Variants in CLNS1A observed in about 807,000 individuals in gnomAD.
The protein encoded by CLNS1A is chloride nucleotide-sensitive channel 1A.
In CLNS1A, 16 loss-of-function variants were observed where a neutral mutation model predicts 29.4. That is an observed-to-expected ratio of 0.54 (90% CI 0.37 to 0.83). The LOEUF (loss-of-function observed/expected upper bound fraction) is 0.83. CLNS1A is among the 40% of genes least tolerant of loss of function. CLNS1A has a pLI of 0.00. For missense variants in CLNS1A, 235 were observed against 287.4 expected, an observed-to-expected ratio of 0.82 and a Z score of 1.32; for synonymous variants, 96 against 104.8, an observed-to-expected ratio of 0.92 and a Z score of 0.51.
chr11:77,622,711 A>C (rs1378306138), intron 4 of CLNS1A, 38 bp from the exon 5 acceptor site: 2 of 1,467,816 alleles, frequency 1.4e-6, no homozygotes, highest in Non-Finnish European at 1.8e-6. Flanking sequence ...AAATACAACA[A>C]TTAGAAAAAA....
chr11:77,624,080 T>TG (rs1238163525), intron 4 of CLNS1A, among the ~76,000 whole-genome samples: 1 of 152,156 alleles, frequency 6.6e-6, no homozygotes, highest in African/African-American at 2.4e-5. Context: ...TTGGGCAATA[T>TG]GGCAAAGCCC....
At chr11:77,637,433 C>A (rs139561465) in intron 1 of CLNS1A, among the ~76,000 whole-genome samples, 157 bp downstream of exon 1, 137 of 151,822 alleles carry the variant, frequency 9.0e-4, no homozygotes, top group African/African-American at 3.2e-3. Flanking sequence ...AAAAATCGAG[C>A]CTTCCACCCG....
At chr11:77,620,921 G>A (rs947321672) in intron 5 of CLNS1A, among the ~76,000 whole-genome samples, 2 of 152,166 alleles carry the variant, frequency 1.3e-5, no homozygotes, top group African/African-American at 4.8e-5. Context: ...GGTGGAGGTT[G>A]AAGTAAGCCA....
chr11:77,619,829 C>G, intron 5 of CLNS1A, 134 bp from the exon 6 acceptor site: 1 of 669,434 alleles, frequency 1.5e-6, no homozygotes, highest in Non-Finnish European at 2.7e-6. Context: ...TTGGAAAAGT[C>G]TGAAGGGACA....
At chr11:77,618,442 A>G (rs1958925168) in intron 6 of CLNS1A, 1 of 152,264 alleles carries the variant, frequency 6.6e-6, no homozygotes, top group African/African-American at 2.4e-5. Flanking sequence ...CAGAGAAGAC[A>G]TTGCTAATTT....
At chr11:77,636,793 C>T (rs569473696) in intron 1 of CLNS1A, among the ~76,000 whole-genome samples, 1 of 152,256 alleles carries the variant, frequency 6.6e-6, no homozygotes, top group African/African-American at 2.4e-5. Flanking sequence ...GGAAGCAACA[C>T]ATATCTGAAG....
rs200664728 is a variant in CLNS1A at position 77,637,683 on chromosome 11, C to G, written c.32G>C (p.Gly11Ala). Residue 11 changes from glycine to alanine, a missense_variant, in exon 1 of 7, where the codon GGG becomes GCG. Coordinates refer to ENST00000525428, the MANE Select transcript of CLNS1A (RefSeq NM_001293.3). MSFLKSFPPP[G>A]PAEGLLRQQP... is the part of the protein sequence containing the mutation. ...CTGCCGCAGGAGCCCCTCCGCTGGC[C>G]CAGGCGGCGGGAAACTTTTGAGGAA... is the stretch of plus-strand genomic sequence containing the variant. 8 of 1,563,264 alleles carry G rather than the reference C, an allele frequency of 5.1e-6. No individual in the cohort carries two copies. The highest frequency in any genetic ancestry group is 1.9e-5 in the Admixed American group (1 of 52,320).
intron 1 of CLNS1A, among the ~76,000 whole-genome samples, chr11:77,631,469 C>T (rs1046892512): frequency 1.5e-4 from 22 of 150,796 alleles, no homozygotes; most frequent in African/African-American, 4.9e-4. Context: ...TACAGGCGCC[C>T]GCCACCACAC....
At chr11:77,633,700 A>T (rs1208188961) in intron 1 of CLNS1A, among the ~76,000 whole-genome samples, 4 of 152,140 alleles carry the variant, frequency 2.6e-5, no homozygotes, top group Admixed American at 2.6e-4. Flanking sequence ...CAAAAAAAAA[A>T]TTTTAAGTTT....
intron 5 of CLNS1A, chr11:77,621,796 GGA>G (rs1459008464): frequency 3.0e-6 from 1 of 336,498 alleles, no homozygotes; most frequent in African/African-American, 2.1e-5. Flanking sequence ...ATTGGGTGAA[GGA>G]GATTACCCTG....
intron 2 of CLNS1A, among the ~76,000 whole-genome samples, chr11:77,628,497 A>T (rs1959043352): frequency 6.6e-6 from 1 of 152,222 alleles, no homozygotes. Context: ...TAGATTTTTA[A>T]ATGTCTTTGA....
intron 5 of CLNS1A, 147 bp from the exon 6 acceptor site, chr11:77,619,842 C>CT (rs1958939387): frequency 4.7e-6 from 3 of 641,654 alleles, no homozygotes; most frequent in Non-Finnish European, 8.4e-6. Flanking sequence ...AAGGGACAAA[C>CT]TGAGAAAGAA....
intron 5 of CLNS1A, among the ~76,000 whole-genome samples, chr11:77,621,574 C>T (rs1301213070): frequency 1.3e-5 from 2 of 152,010 alleles, no homozygotes; most frequent in East Asian, 1.9e-4. Flanking sequence ...ACCCAGGAGG[C>T]GGAGGTTGTA....
intron 2 of CLNS1A, among the ~76,000 whole-genome samples, chr11:77,626,533 G>A (rs1340708515): frequency 1.3e-5 from 2 of 151,548 alleles, no homozygotes; most frequent in East Asian, 2.0e-4. Flanking sequence ...CAGCTACTCA[G>A]GAGGTTGAGG....
rs1326884250 is a variant in CLNS1A, at chr11:77,616,483, T to C, written c.*235A>G. On this transcript the variant is annotated 3_prime_UTR_variant, in exon 7 of 7. Coordinates refer to ENST00000525428, the MANE Select transcript of CLNS1A (RefSeq NM_001293.3). ...ACACAGAAAGTTTTAGGGTAAATAG[T>C]AAACTACAAATACCCTCTTGGTTAA... 1 of 152,624 alleles carries C rather than the reference T, an allele frequency of 6.6e-6. No homozygotes were observed. The highest frequency in any genetic ancestry group is 2.4e-5 in the African/African-American group (1 of 41,446). 9.5% of individuals were successfully genotyped at this position (152,624 alleles called of 1,614,324 possible).
chr11:77,635,010 G>T (rs1393549453), intron 1 of CLNS1A, among the ~76,000 whole-genome samples: 1 of 152,242 alleles, frequency 6.6e-6, no homozygotes, highest in African/African-American at 2.4e-5. Flanking sequence ...TTGTCATGTT[G>T]TCCAGGCTGG....
At chr11:77,617,929 A>G (rs1407530435) in intron 6 of CLNS1A, among the ~76,000 whole-genome samples, 2 of 152,034 alleles carry the variant, frequency 1.3e-5, no homozygotes. Flanking sequence ...AAAAGAAAAA[A>G]AAAAAAGAAA....
chr11:77,617,895 G>A (rs1958920734), intron 6 of CLNS1A, among the ~76,000 whole-genome samples: 1 of 151,050 alleles, frequency 6.6e-6, no homozygotes, highest in Admixed American at 6.6e-5. Context: ...TCCAGCTTGG[G>A]CGACAGAGCG....
intron 1 of CLNS1A, among the ~76,000 whole-genome samples, chr11:77,636,320 A>T (rs1162452421): frequency 1.7e-4 from 26 of 152,240 alleles, no homozygotes; most frequent in Admixed American, 1.2e-3. Flanking sequence ...TGCCTGCCTC[A>T]GCCTCCCAAA....
Sources: gnomAD v4.1 joint callset for allele counts (sites outside exome capture counted in the v4.1 genomes callset) on GRCh38, gnomAD v4.1.1 for gene constraint, MANE v1.5 for transcripts, NCBI Gene and HGNC (gene_info 2026-07-23, HGNC 2026-07-21) for gene names.